The following TXNL4A variants were observed in gnomAD, a reference collection of about 807,000 sequenced individuals.
TXNL4A encodes thioredoxin like 4A, also known as thioredoxin-like protein 4A.
TXNL4A carries 17 observed loss-of-function variants against 14.6 expected under a neutral mutation model. The ratio of observed to expected loss-of-function variants is 1.16; its 90% CI spans 0.80 to 1.74. The LOEUF (loss-of-function observed/expected upper bound fraction) is 1.74, where lower values mean the gene tolerates loss of function less well. Ranked by LOEUF, TXNL4A falls within the 40% of genes most tolerant of loss-of-function variation. TXNL4A has a pLI of 0.00. For missense variants in TXNL4A, 74 were observed against 195.2 expected (o/e 0.38, Z 3.70); for synonymous variants, 83 against 70.6 (o/e 1.18, Z -0.88).
At chr18:79,997,471 C>T (rs2051670804) in intron 1 of TXNL4A, among the ~76,000 whole-genome samples, 2 of 151,730 alleles carry the variant, frequency 1.3e-5, no homozygotes, top group Admixed American at 1.3e-4. Flanking sequence ...CCCAGACACC[C>T]AATAATCCCC....
chr18:79,974,674 TC>T, intron 2 of TXNL4A, among the ~76,000 whole-genome samples: 1 of 152,220 alleles, frequency 6.6e-6, no homozygotes, highest in East Asian at 1.9e-4. Flanking sequence ...AGATGGGGTG[TC>T]CCCATGTTGG....
At chr18:79,978,153 G>A (rs1439540801) in intron 1 of TXNL4A, among the ~76,000 whole-genome samples, 3 of 152,010 alleles carry the variant, frequency 2.0e-5, no homozygotes, top group African/African-American at 7.3e-5. Context: ...TCCCAGAATC[G>A]CCCAGGAATT....
intron 1 of TXNL4A, among the ~76,000 whole-genome samples, chr18:80,009,145 C>A (rs916779760): frequency 6.6e-6 from 1 of 152,144 alleles, no homozygotes; most frequent in Non-Finnish European, 1.5e-5. Flanking sequence ...GTATTTAGAG[C>A]CTTAAGTCTG....
Position 80,011,013 on chromosome 18 carries a change from A to G in TXNL4A, c.-61+22838T>C, listed in dbSNP as rs2051766322. On this transcript the variant is annotated intron_variant, in intron 1 of 2. Coordinates refer to the TXNL4A transcript ENST00000585474. The surrounding 1 kb of genome is among the most constrained non-coding windows in gnomAD (Gnocchi z 4.1). ...GGAAAGGGGCATTGTGTGGGGGAAG[A>G]GCAGCTAGGGTTCCTCCTGGGGTTG... Among the ~76,000 whole-genome samples the G allele has an allele frequency of 6.6e-6, 1 of 151,698 alleles. No individual in the cohort carries two copies. The highest frequency in any genetic ancestry group is 2.1e-4 in the South Asian group (1 of 4,802).
chr18:80,019,136 G>T (rs1295809142), intron 1 of TXNL4A, among the ~76,000 whole-genome samples: 1 of 152,128 alleles, frequency 6.6e-6, no homozygotes, highest in East Asian at 1.9e-4. Context: ...TGCATTTTCG[G>T]ATATCTTCTC....
intron 2 of TXNL4A, among the ~76,000 whole-genome samples, chr18:79,975,089 T>C (rs2051358921): frequency 6.6e-6 from 1 of 152,200 alleles, no homozygotes; most frequent in Non-Finnish European, 1.5e-5. Context: ...CCTTCTACAA[T>C]GACTGGGGGC....
At chr18:80,001,761 A>G (rs1178311956) in intron 1 of TXNL4A, among the ~76,000 whole-genome samples, 2 of 152,154 alleles carry the variant, frequency 1.3e-5, no homozygotes, top group African/African-American at 2.4e-5. Flanking sequence ...TATTTACCCA[A>G]TGACTATACC....
intron 1 of TXNL4A, among the ~76,000 whole-genome samples, chr18:80,005,597 T>A (rs1468766886): frequency 6.6e-6 from 1 of 152,240 alleles, no homozygotes; most frequent in African/African-American, 2.4e-5. Flanking sequence ...GGCTTCTCAG[T>A]GTTATTTGCT....
At chr18:80,018,621 C>A (rs979586042) in intron 1 of TXNL4A, among the ~76,000 whole-genome samples, 4 of 152,190 alleles carry the variant, frequency 2.6e-5, no homozygotes, top group Non-Finnish European at 4.4e-5. Context: ...AGAGAAGAAT[C>A]AAAAAGACGC....
intron 1 of TXNL4A, among the ~76,000 whole-genome samples, chr18:79,986,048 T>G (rs1326636748): frequency 6.6e-6 from 1 of 152,172 alleles, no homozygotes; most frequent in Non-Finnish European, 1.5e-5. Context: ...TGCACTTTTT[T>G]TTTTTTTGGA....
chr18:80,024,198 A>C (rs2364976), intron 1 of TXNL4A, among the ~76,000 whole-genome samples: 70,314 of 151,450 alleles, frequency 0.46, 17,084 homozygotes, highest in East Asian at 0.75. Flanking sequence ...AAAAAAAAAA[A>C]AACTCCCTTT....
At chr18:80,024,823 C>T (rs1453011516) in intron 1 of TXNL4A, among the ~76,000 whole-genome samples, 1 of 152,144 alleles carries the variant, frequency 6.6e-6, no homozygotes, top group African/African-American at 2.4e-5. Flanking sequence ...CAAACCGGTT[C>T]AGGAGGTAAC....
chr18:79,993,592 G>A lies in TXNL4A; in HGVS notation c.-60-15891C>T, dbSNP rs989532449. ...GTTAGTTTTGCTTAGCTGTTTTGTT[G>A]TTTCCGTCTTGTTGGGTTGTGTGTG... On this transcript the variant is annotated intron_variant, in intron 1 of 2. Transcript: ENST00000585474. The surrounding 1 kb of genome is among the most constrained non-coding windows in gnomAD (Gnocchi z 4.4). Among the ~76,000 whole-genome samples, 1 of 152,154 alleles carries A rather than the reference G, an allele frequency of 6.6e-6. No homozygotes were observed. Among genetic ancestry groups the A allele is most frequent in the African/African-American group, 2.4e-5 (1 of 41,440 alleles).
intron 1 of TXNL4A, among the ~76,000 whole-genome samples, chr18:80,033,226 T>C (rs1475929077): frequency 2.6e-5 from 4 of 152,174 alleles, no homozygotes; most frequent in East Asian, 3.9e-4. Context: ...TGCACACATA[T>C]ACATGTCCAC....
In TXNL4A at chr18:80,013,145, G is replaced by T. The variant is rs572515813; in HGVS notation, c.-61+20706C>A. Among the ~76,000 whole-genome samples the T allele has an allele frequency of 1.4e-3, 209 of 149,408 alleles. 2 individuals are homozygous for T. Among genetic ancestry groups the T allele is most frequent in the African/African-American group, 5.0e-3 (201 of 40,568 alleles). On this transcript the variant is annotated intron_variant, in intron 1 of 2. Coordinates refer to the TXNL4A transcript ENST00000585474. ...AAATTTTTTTTTTTTTTTTGAGACGGAGTCTGGCTCTGTCCCCCAGGCTGG... is the reference window on the plus strand; with the variant it reads ...AAATTTTTTTTTTTTTTTTGAGACGTAGTCTGGCTCTGTCCCCCAGGCTGG...
At chr18:79,995,537 A>T (rs2051654972) in intron 1 of TXNL4A, 1 of 152,200 alleles carries the variant, frequency 6.6e-6, no homozygotes, top group Non-Finnish European at 1.5e-5. Context: ...AAACAATAAA[A>T]ATGCTACAAT....
upstream of TXNL4A, among the ~76,000 whole-genome samples, chr18:79,993,062 C>T (rs1371448484): frequency 1.3e-5 from 2 of 152,018 alleles, no homozygotes; most frequent in Non-Finnish European, 2.9e-5. This position sits in a 1 kb window ranked among gnomAD's most constrained non-coding sequence, Gnocchi z 4.4. Context: ...AGGCACGAGT[C>T]CTTATCTTTG....
chr18:79,989,944 T>A (rs2051614559), upstream of TXNL4A, among the ~76,000 whole-genome samples: 1 of 152,158 alleles, frequency 6.6e-6, no homozygotes, highest in African/African-American at 2.4e-5. Flanking sequence ...TGCAGTGAGC[T>A]GAGATCGCAC....
chr18:80,023,762 A>G (rs760602036), intron 1 of TXNL4A, among the ~76,000 whole-genome samples: 5 of 152,196 alleles, frequency 3.3e-5, no homozygotes, highest in East Asian at 1.9e-4. Flanking sequence ...TACAAAAACA[A>G]TAACTTTTTG....
Sources: allele counts gnomAD v4.1 joint callset (sites outside exome capture counted in the v4.1 genomes callset), GRCh38; gene constraint gnomAD v4.1.1; non-coding constraint Gnocchi (gnomAD v3.1); transcripts MANE v1.5; gene names NCBI Gene and HGNC (gene_info 2026-07-23, HGNC 2026-07-21).